The following ELP1 variants were observed in gnomAD, a reference collection of about 807,000 sequenced individuals.
ELP1 encodes the protein elongator complex protein 1.
In ELP1, 131 loss-of-function variants were observed where a neutral mutation model predicts 183.2. The observed-to-expected ratio is 0.72, with a 90% CI of 0.62 to 0.83. The LOEUF is 0.83. ELP1 is among the 40% of genes least tolerant of loss of function. ELP1 has a pLI of 0.00. For synonymous variants in ELP1, 555 were observed against 569.0 expected (o/e 0.98, Z 0.35); for missense variants, 1,550 against 1,594.9 (o/e 0.97, Z 0.48).
chr9:108,926,657 T>A (rs1829833636), intron 4 of ELP1, 54 bp from the exon 5 acceptor site: 2 of 1,336,258 alleles, frequency 1.5e-6, no homozygotes, highest in African/African-American at 2.9e-5. Flanking sequence ...AATTTGCCAT[T>A]CCTAAGTACC....
intron 36 of ELP1, among the ~76,000 whole-genome samples, chr9:108,870,202 G>A (rs1429621147): frequency 2.6e-5 from 4 of 152,040 alleles, no homozygotes; most frequent in East Asian, 1.9e-4. Flanking sequence ...TCCTGGTCTC[G>A]TTCCACCCAC....
chr9:108,896,939 G>T lies in ELP1; in HGVS notation c.2587+14C>A. ...CGGCCACCTTAAGCACTTTCTCTGT[G>T]AGCGGATCTCTACCTTGAAGCTCGT... is the stretch of plus-strand genomic sequence containing the variant. On this transcript the variant is annotated intron_variant, in intron 24 of 36. Coordinates refer to ENST00000374647, the MANE Select transcript of ELP1 (RefSeq NM_003640.5). 6.2e-7 allele frequency: 1 copy of T among 1,610,588 alleles called. No individual in the cohort carries two copies. The highest frequency in any genetic ancestry group is 1.1e-5 in the South Asian group (1 of 90,982).
At position 108,921,950 on chromosome 9, in the gene ELP1, G is replaced by T. The variant is rs181763966; in HGVS notation, c.552+892C>A. Among the ~76,000 whole-genome samples, 233 of 152,298 alleles carry T rather than the reference G, an allele frequency of 1.5e-3. 1 individual carries two copies. The highest frequency in any genetic ancestry group is 5.2e-3 in the African/African-American group (218 of 41,564). ...CTATTACCTGCCCATCTCAACCCTT[G>T]TAAGGAGACATTATGTTGTCCACTT... On this transcript the variant is annotated intron_variant, in intron 6 of 36. Transcript: ENST00000374647.
Position 108,889,316 on chromosome 9 carries a change from G to T in ELP1, c.3222+16C>A, listed in dbSNP as rs773410134. The T allele has an allele frequency of 6.2e-7, 1 of 1,611,814 alleles. No individual in the cohort carries two copies. The highest frequency in any genetic ancestry group is 1.1e-5 in the South Asian group (1 of 91,036). On this transcript the variant is annotated intron_variant, in intron 29 of 36. Transcript: ENST00000374647. Reference sequence around the variant, plus strand: ...CTTGCTGACTGGGGGGTTTAGAAGGGAGGAATTGAGTTTACCTGGGCACAC... The same window carrying T: ...CTTGCTGACTGGGGGGTTTAGAAGGTAGGAATTGAGTTTACCTGGGCACAC...
At chr9:108,904,140 T>G (rs2131998205) in intron 14 of ELP1, among the ~76,000 whole-genome samples, 1 of 152,278 alleles carries the variant, frequency 6.6e-6, no homozygotes, top group Middle Eastern at 3.4e-3. Context: ...ATCACTATCA[T>G]ATCGATTGAT....
chr9:108,926,714 A>G, intron 4 of ELP1, 111 bp from the exon 5 acceptor site: 1 of 773,066 alleles, frequency 1.3e-6, no homozygotes, highest in Non-Finnish European at 2.2e-6. Context: ...AACAGAGCAG[A>G]CAGAATTCAT....
At chr9:108,926,291 G>T (rs74689799) in intron 5 of ELP1, among the ~76,000 whole-genome samples, 3,948 of 152,238 alleles carry the variant, frequency 0.026, 65 homozygotes, top group Non-Finnish European at 0.039. Flanking sequence ...GACTTTCCTA[G>T]GGTTTGGGTA....
chr9:108,930,690 C>CA lies in ELP1; in HGVS notation c.150+306dup, dbSNP rs5899828. ...TGGGTGACAGAGCGAGACTCCGTCT[C>CA]AAAAAAAAAAAAAAAAAAAACCACT... On this transcript the variant is annotated intron_variant, in intron 2 of 36. Transcript: ENST00000374647. Among the ~76,000 whole-genome samples the CA allele has an allele frequency of 1.9e-3, 139 of 72,498 alleles. 4 individuals are homozygous for CA. The highest frequency in any genetic ancestry group is 2.1e-3 in the African/African-American group (39 of 18,844). The allele number at this position is 72,498 out of a possible 152,430, so 47.6% of individuals were successfully genotyped here. A position where few individuals can be genotyped will look rare whatever the true frequency, so the allele number is the denominator to read the frequency against.
chr9:108,906,410 G>A lies in ELP1; in HGVS notation c.1536C>T (p.Asp512=), dbSNP rs751808911. 16 of 1,613,928 alleles carry A rather than the reference G, an allele frequency of 9.9e-6. No individual in the cohort carries two copies. Among genetic ancestry groups the A allele is most frequent in the African/African-American group, 5.3e-5 (4 of 74,934 alleles). ...CACTGTGGCTTACAGCCAGGAAGACGTCTTCTTCAATCCAAGTGAGAAGGC... is the reference window on the plus strand; with the variant it reads ...CACTGTGGCTTACAGCCAGGAAGACATCTTCTTCAATCCAAGTGAGAAGGC... The part of the protein sequence containing the change: ...KLGLLTWIEE[D]VFLAVSHSEF... The change falls in exon 14 of 37, where the codon GAC becomes GAT. Residue 512 remains aspartate, a synonymous_variant. Transcript: ENST00000374647.
intron 20 of ELP1, 40 bp downstream of exon 20, chr9:108,899,782 T>C: frequency 6.7e-7 from 1 of 1,499,344 alleles, no homozygotes; most frequent in Middle Eastern, 1.7e-4. Context: ...CACACATAAA[T>C]CACAAGCTAA....
In ELP1 at chr9:108,901,614, C is replaced by G; in HGVS notation, c.1908+14G>C. ...ACTGTGAAAAGGATCCAACACCAAA[C>G]CAAGCCTTGATACCTCAATGTCATT... On this transcript the variant is annotated intron_variant, in intron 17 of 36. Coordinates refer to ENST00000374647, the MANE Select transcript of ELP1 (RefSeq NM_003640.5). The G allele has an allele frequency of 6.2e-7, 1 of 1,614,070 alleles. No individual in the cohort carries two copies. The highest frequency in any genetic ancestry group is 2.2e-5 in the East Asian group (1 of 44,884).
chr9:108,912,452 T>G lies in ELP1; in HGVS notation c.1001A>C (p.Gln334Pro), dbSNP rs1829264976. ...CCCACAGGTGCTGAAGGATAAACTT[T>G]GCTTGAGATACCAGTGATAGTTTCC... The part of the protein sequence containing the change: ...TVGNYHWYLK[Q>P]SLSFSTCGKS... The change falls in exon 11 of 37, where the codon CAA becomes CCA. Residue 334 changes from glutamine to proline, a missense_variant. By Grantham distance (76) the Gln-to-Pro change is moderately conservative. Coordinates refer to ENST00000374647, the MANE Select transcript of ELP1 (RefSeq NM_003640.5). 1 of 1,613,966 alleles carries G rather than the reference T, an allele frequency of 6.2e-7. No homozygotes were observed. The highest frequency in any genetic ancestry group is 1.3e-5 in the African/African-American group (1 of 74,894).
chr9:108,872,229 T>C (rs1827483351), intron 36 of ELP1, among the ~76,000 whole-genome samples: 1 of 152,120 alleles, frequency 6.6e-6, no homozygotes, highest in Non-Finnish European at 1.5e-5. Flanking sequence ...TAGCGGCACA[T>C]GGCATTTTAA....
At chr9:108,915,027 G>C (rs868287065) in intron 10 of ELP1, among the ~76,000 whole-genome samples, 1 of 152,094 alleles carries the variant, frequency 6.6e-6, no homozygotes, top group Non-Finnish European at 1.5e-5. Flanking sequence ...TGATTATTAC[G>C]AAGTGGTAGA....
At chr9:108,887,550 T>C (rs1400415710) in intron 29 of ELP1, among the ~76,000 whole-genome samples, 1 of 152,164 alleles carries the variant, frequency 6.6e-6, no homozygotes, top group African/African-American at 2.4e-5. Context: ...CAGCTATATT[T>C]CTATATACTA....
At chr9:108,910,263 T>C (rs1048664037) in intron 12 of ELP1, among the ~76,000 whole-genome samples, 3 of 152,226 alleles carry the variant, frequency 2.0e-5, no homozygotes, top group Admixed American at 6.5e-5. Flanking sequence ...ATAGGATCCA[T>C]GTACACAGTG....
At chr9:108,876,892 C>T (rs769989468) in intron 35 of ELP1, among the ~76,000 whole-genome samples, 28 of 152,054 alleles carry the variant, frequency 1.8e-4, no homozygotes, top group Non-Finnish European at 2.5e-4. Flanking sequence ...CCACCATGCC[C>T]GGGTAATTTT....
intron 36 of ELP1, among the ~76,000 whole-genome samples, chr9:108,874,315 G>A (rs976156638): frequency 3.3e-5 from 5 of 152,154 alleles, no homozygotes; most frequent in Admixed American, 1.3e-4. Flanking sequence ...AAAAGAAAGC[G>A]CTTAGGGTTT....
chr9:108,901,824 G>T, intron 16 of ELP1, 143 bp from the exon 17 acceptor site: 2 of 810,240 alleles, frequency 2.5e-6, no homozygotes, highest in Non-Finnish European at 4.2e-6. Flanking sequence ...CTAAGACGTG[G>T]CTGGTCCAGT....
Sources: allele counts gnomAD v4.1 joint callset (sites outside exome capture counted in the v4.1 genomes callset), GRCh38; gene constraint gnomAD v4.1.1; transcripts MANE v1.5; gene names NCBI Gene and HGNC (gene_info 2026-07-23, HGNC 2026-07-21).